ARB2A: variants seen among roughly 807,000 people sequenced by gnomAD.
ARB2A encodes the protein cotranscriptional regulator ARB2A.
the ARB2A span, among the ~76,000 whole-genome samples, chr5:93,711,642 C>CA: frequency 3.0e-4 from 45 of 152,034 alleles, no homozygotes; most frequent in African/African-American, 8.0e-4. Context: ...CAACCAAAAG[C>CA]AAAAAAACAA....
At chr5:93,941,176 A>G in the ARB2A span, among the ~76,000 whole-genome samples, 1 of 152,096 alleles carries the variant, frequency 6.6e-6, no homozygotes, top group African/African-American at 2.4e-5. Flanking sequence ...TGTCCAAAGC[A>G]TTGATTATAA....
the ARB2A span, among the ~76,000 whole-genome samples, chr5:93,840,476 T>C: frequency 2.0e-5 from 3 of 152,172 alleles, no homozygotes; most frequent in Admixed American, 2.0e-4. Flanking sequence ...CTTTCCCAAC[T>C]TGTTAAGTGG....
chr5:93,632,502 C>CTT, the ARB2A span, among the ~76,000 whole-genome samples: 1 of 152,180 alleles, frequency 6.6e-6, no homozygotes, highest in African/African-American at 2.4e-5. Context: ...CATGTGAAAT[C>CTT]TTGCAAGTCA....
the ARB2A span, among the ~76,000 whole-genome samples, chr5:93,854,555 C>T: frequency 5.9e-5 from 9 of 152,128 alleles, no homozygotes; most frequent in Non-Finnish European, 1.2e-4. Context: ...GTTAGGGTGT[C>T]AATTTTGGAT....
chr5:93,905,027 C>T, the ARB2A span, among the ~76,000 whole-genome samples: 2 of 151,724 alleles, frequency 1.3e-5, no homozygotes, highest in African/African-American at 2.4e-5. Flanking sequence ...CATTTAATTT[C>T]ATGCCATTTT....
the ARB2A span, among the ~76,000 whole-genome samples, chr5:93,886,738 C>T: frequency 5.3e-5 from 8 of 151,628 alleles, no homozygotes; most frequent in Admixed American, 4.6e-4. Context: ...TTTCTCAAGA[C>T]GTGACCTGGG....
the ARB2A span, among the ~76,000 whole-genome samples, chr5:94,055,254 G>C: frequency 7.9e-5 from 12 of 152,094 alleles, no homozygotes; most frequent in African/African-American, 2.9e-4. Context: ...TCTAACTCAA[G>C]TTCCTGAAGA....
chr5:93,663,367 TCC>T, the ARB2A span, among the ~76,000 whole-genome samples: 1 of 152,232 alleles, frequency 6.6e-6, no homozygotes. Context: ...ACATTCCCCT[TCC>T]CCTGAAGGAA....
the ARB2A span, among the ~76,000 whole-genome samples, chr5:93,692,453 G>A: frequency 6.6e-6 from 1 of 152,084 alleles, no homozygotes; most frequent in Non-Finnish European, 1.5e-5. Flanking sequence ...GACAAAAAAG[G>A]GCATTACATA....
the ARB2A span, chr5:94,055,513 T>C: frequency 8.9e-6 from 4 of 448,008 alleles, no homozygotes; most frequent in African/African-American, 8.6e-5. Context: ...CTTCTAACTC[T>C]TATATCAAAT....
At chr5:93,945,259 C>T in the ARB2A span, among the ~76,000 whole-genome samples, 7 of 151,922 alleles carry the variant, frequency 4.6e-5, no homozygotes. Flanking sequence ...CCTGGCCACA[C>T]AAAAATTAGC....
At chr5:93,750,200 T>A in the ARB2A span, among the ~76,000 whole-genome samples, 1 of 152,206 alleles carries the variant, frequency 6.6e-6, no homozygotes, top group African/African-American at 2.4e-5. Flanking sequence ...AGACATGAAA[T>A]TAGGCTCTAA....
chr5:93,954,123 T>C, the ARB2A span, among the ~76,000 whole-genome samples: 1 of 152,266 alleles, frequency 6.6e-6, no homozygotes, highest in South Asian at 2.1e-4. Flanking sequence ...TATCCCACTA[T>C]GGCCGAGCTG....
the ARB2A span, among the ~76,000 whole-genome samples, chr5:93,661,709 T>G: frequency 6.6e-6 from 1 of 152,256 alleles, no homozygotes; most frequent in South Asian, 2.1e-4. Context: ...AGTTTACGAA[T>G]TTGTGTTGGA....
chr5:93,762,685 C>G, the ARB2A span, among the ~76,000 whole-genome samples: 1 of 152,134 alleles, frequency 6.6e-6, no homozygotes, highest in Admixed American at 6.5e-5. Flanking sequence ...CATTCAAATT[C>G]AGGAAATACA....
the ARB2A span, among the ~76,000 whole-genome samples, chr5:93,895,417 C>G: frequency 1.3e-5 from 2 of 152,148 alleles, no homozygotes; most frequent in African/African-American, 2.4e-5. Flanking sequence ...TACTGTAAAT[C>G]TTTCACTTTA....
chr5:94,090,982 A>C, the ARB2A span, among the ~76,000 whole-genome samples: 3 of 152,356 alleles, frequency 2.0e-5, no homozygotes, highest in East Asian at 5.8e-4. Context: ...ATGCTTTAAC[A>C]GTCTTTGAAT....
chr5:94,019,487 A>C, the ARB2A span, among the ~76,000 whole-genome samples: 2 of 152,254 alleles, frequency 1.3e-5, no homozygotes, highest in Non-Finnish European at 2.9e-5. Flanking sequence ...GGATATGAAC[A>C]GACATTTCTC....
At chr5:93,671,582 CTTCATG>C in the ARB2A span, among the ~76,000 whole-genome samples, 1 of 151,944 alleles carries the variant, frequency 6.6e-6, no homozygotes. Context: ...TACCATCAGA[CTTCATG>C]TTATTAAAAA....
Sources: allele counts gnomAD v4.1 joint callset (sites outside exome capture counted in the v4.1 genomes callset), GRCh38; gene constraint gnomAD v4.1.1; transcripts MANE v1.5; gene names NCBI Gene and HGNC (gene_info 2026-07-23, HGNC 2026-07-21).